Variants in RPS6KC1 observed in about 807,000 individuals in gnomAD.
RPS6KC1 encodes ribosomal protein S6 kinase C1.
RPS6KC1 carries 54 observed loss-of-function variants against 103.8 expected under a neutral mutation model. The ratio of observed to expected loss-of-function variants is 0.52; its 90% CI spans 0.42 to 0.65. The LOEUF is 0.65. Among genes scored for constraint, RPS6KC1 ranks in the 30% least tolerant of loss-of-function variants. The pLI, the probability that RPS6KC1 is intolerant of heterozygous loss-of-function variation, is 0.00. For missense variants in RPS6KC1, 1,151 were observed against 1,253.8 expected, an observed-to-expected ratio of 0.92 and a Z score of 1.24; for synonymous variants, 439 against 438.7, an observed-to-expected ratio of 1.00 and a Z score of -0.01.
the RPS6KC1 span, chr1:213,842,228 T>C: frequency 6.6e-6 from 1 of 152,526 alleles, no homozygotes; most frequent in East Asian, 1.9e-4. Context: ...AACACTGTGG[T>C]CTCAAGAGGA....
chr1:213,652,617 C>T, the RPS6KC1 span, among the ~76,000 whole-genome samples: 2 of 152,218 alleles, frequency 1.3e-5, no homozygotes, highest in Non-Finnish European at 2.9e-5. Context: ...AGGCCTTAGG[C>T]TTTGCGGCTT....
chr1:213,548,636 G>T, the RPS6KC1 span, among the ~76,000 whole-genome samples: 2 of 152,074 alleles, frequency 1.3e-5, no homozygotes, highest in Non-Finnish European at 2.9e-5. Flanking sequence ...ACTCCAGCCT[G>T]GCAACAGAGC....
chr1:213,584,349 A>C, the RPS6KC1 span, among the ~76,000 whole-genome samples: 1 of 152,218 alleles, frequency 6.6e-6, no homozygotes, highest in South Asian at 2.1e-4. Context: ...GGATGCTGGC[A>C]GTCCCTAGAA....
the RPS6KC1 span, among the ~76,000 whole-genome samples, chr1:213,574,615 A>G: frequency 6.6e-6 from 1 of 152,222 alleles, no homozygotes; most frequent in Admixed American, 6.5e-5. Flanking sequence ...AAACCAGGAC[A>G]TGGTCATATA....
the RPS6KC1 span, among the ~76,000 whole-genome samples, chr1:213,418,431 G>A: frequency 6.6e-6 from 1 of 152,104 alleles, no homozygotes; most frequent in Non-Finnish European, 1.5e-5. Context: ...TGCAAGGAGA[G>A]GCGTCTGGGT....
intron 8 of RPS6KC1, among the ~76,000 whole-genome samples, chr1:213,195,089 CTT>C (rs2092892919): frequency 6.6e-6 from 1 of 152,056 alleles, no homozygotes; most frequent in African/African-American, 2.4e-5. Context: ...TGATGCAACA[CTT>C]TTGTTTTTTA....
chr1:213,361,499 A>G, the RPS6KC1 span, among the ~76,000 whole-genome samples: 10 of 152,230 alleles, frequency 6.6e-5, no homozygotes, highest in African/African-American at 2.2e-4. Flanking sequence ...GACCCCTTGC[A>G]GTTCCCAGGT....
intron 14 of RPS6KC1, among the ~76,000 whole-genome samples, chr1:213,267,587 C>G (rs774992871): frequency 1.3e-5 from 2 of 151,892 alleles, no homozygotes; most frequent in African/African-American, 2.4e-5. Context: ...TACCCAGACA[C>G]AGGATTTATG....
At chr1:213,606,554 G>A in the RPS6KC1 span, among the ~76,000 whole-genome samples, 6 of 152,194 alleles carry the variant, frequency 3.9e-5, no homozygotes, top group African/African-American at 9.6e-5. Context: ...GAGGAATAAG[G>A]GAAATACTTC....
intron 6 of RPS6KC1, 117 bp downstream of exon 6, chr1:213,130,006 T>G (rs2085422815): frequency 9.5e-7 from 1 of 1,047,678 alleles, no homozygotes; most frequent in Non-Finnish European, 1.4e-6. Flanking sequence ...AATGAGAAAT[T>G]ACTGAAGCTT....
At chr1:213,354,034 G>C in the RPS6KC1 span, among the ~76,000 whole-genome samples, 3 of 152,140 alleles carry the variant, frequency 2.0e-5, no homozygotes. Context: ...ATTAAGTCCT[G>C]GTGTGTCTGC....
chr1:213,193,737 T>A (rs1406935223), intron 8 of RPS6KC1, among the ~76,000 whole-genome samples: 1 of 152,108 alleles, frequency 6.6e-6, no homozygotes, highest in African/African-American at 2.4e-5. Flanking sequence ...TAAACGATCC[T>A]CCCACCTCAG....
chr1:213,645,835 A>G, the RPS6KC1 span, among the ~76,000 whole-genome samples: 20 of 152,202 alleles, frequency 1.3e-4, no homozygotes, highest in African/African-American at 4.8e-4. Context: ...TAAAGCTCTC[A>G]GATGCCTGAC....
chr1:213,681,583 G>A, the RPS6KC1 span, among the ~76,000 whole-genome samples: 1 of 152,076 alleles, frequency 6.6e-6, no homozygotes, highest in Admixed American at 6.6e-5. Context: ...GATCACTTGA[G>A]CCTGGGAGTT....
the RPS6KC1 span, among the ~76,000 whole-genome samples, chr1:213,279,823 C>CA: frequency 6.6e-6 from 1 of 152,188 alleles, no homozygotes; most frequent in Admixed American, 6.5e-5. Context: ...AAGTGATCCC[C>CA]AGGTCATCAA....
chr1:213,673,961 A>C, the RPS6KC1 span, among the ~76,000 whole-genome samples: 3 of 152,128 alleles, frequency 2.0e-5, no homozygotes, highest in Non-Finnish European at 4.4e-5. Context: ...AGTACCCAGT[A>C]GTTTTTCAAC....
the RPS6KC1 span, among the ~76,000 whole-genome samples, chr1:213,854,510 C>CTTTCTTTCTTTCTTTCTT: frequency 8.3e-6 from 1 of 120,934 alleles, no homozygotes; most frequent in Admixed American, 8.9e-5. Context: ...CTCTTTCTTT[C>CTTTCTTTCTTTCTTTCTT]TCTTTCTTTC....
chr1:213,512,766 A>G, the RPS6KC1 span, among the ~76,000 whole-genome samples: 1 of 152,172 alleles, frequency 6.6e-6, no homozygotes, highest in African/African-American at 2.4e-5. Context: ...TAAACTACAG[A>G]GACTCAACTG....
the RPS6KC1 span, among the ~76,000 whole-genome samples, chr1:213,628,330 T>G: frequency 6.6e-6 from 1 of 152,192 alleles, no homozygotes; most frequent in African/African-American, 2.4e-5. Flanking sequence ...TTATTAGTCT[T>G]GCTAGCGGTC....
Sources: allele counts gnomAD v4.1 joint callset (sites outside exome capture counted in the v4.1 genomes callset), GRCh38; gene constraint gnomAD v4.1.1; transcripts MANE v1.5; gene names NCBI Gene and HGNC (gene_info 2026-07-23, HGNC 2026-07-21).